ARMCX4: variants seen among roughly 807,000 people sequenced by gnomAD.
ARMCX4 encodes armadillo repeat containing X-linked 4.
In ARMCX4, 3 loss-of-function variants were observed where a neutral mutation model predicts 34.7. That is an observed-to-expected ratio of 0.09 (90% CI 0.04 to 0.22). The LOEUF is 0.22. Among genes scored for constraint, ARMCX4 ranks in the 10% least tolerant of loss-of-function variants. ARMCX4 has a pLI of 1.00. For synonymous variants in ARMCX4, 513 were observed against 632.8 expected, an observed-to-expected ratio of 0.81 and a Z score of 2.84; for missense variants, 1,448 against 1,720.8, an observed-to-expected ratio of 0.84 and a Z score of 2.81.
intron 11 of ARMCX4, among the ~76,000 whole-genome samples, chrX:101,528,083 A>C (rs1935023368): frequency 8.9e-6 from 1 of 111,982 alleles, no homozygotes. Context: ...AAATATCCTC[A>C]ATAAAATACT....
At chrX:101,457,316 T>C (rs996780223) in intron 4 of ARMCX4, among the ~76,000 whole-genome samples, 10 of 112,518 alleles carry the variant, frequency 8.9e-5, no homozygotes, top group Admixed American at 2.8e-4. Context: ...ACTATCTGAC[T>C]GAAGCTCTCT....
chrX:101,515,399 C>T (rs868944706), intron 11 of ARMCX4, among the ~76,000 whole-genome samples: 6 of 1,360 alleles, frequency 4.4e-3, no homozygotes, highest in Admixed American at 0.013. Flanking sequence ...CTTTCCCTCC[C>T]TCCCTCCCTC....
chrX:101,423,384 G>A (rs1929398602), intron 2 of ARMCX4, among the ~76,000 whole-genome samples: 1 of 107,689 alleles, frequency 9.3e-6, no homozygotes, highest in African/African-American at 3.4e-5. Context: ...TTGGGAGGCC[G>A]AGGTGGGCGG....
At position 101,515,343 on chromosome X, in the gene ARMCX4, TTTTC is replaced by T. The variant is rs782364891; in HGVS notation, c.*1780+4324_*1780+4327del. 7.0e-3 allele frequency among the ~76,000 whole-genome samples: 119 copies of T among 17,006 alleles called. 13 individuals are homozygous for T. Among genetic ancestry groups the T allele is most frequent in the African/African-American group, 0.011 (44 of 3,876 alleles). 14.8% of individuals were successfully genotyped at this position (17,006 alleles called of 115,157 possible). A position where few individuals can be genotyped will look rare whatever the true frequency, so the allele number is the denominator to read the frequency against. On this transcript the variant is annotated intron_variant and NMD_transcript_variant, in intron 11 of 12. Coordinates refer to the ARMCX4 transcript ENST00000354842. ...TCCTCCCTTTCTTTCTTTCCTTTCC[TTTTC>T]TTTCTTTCTTTCTTTCTTTCTTTCT... is the stretch of plus-strand genomic sequence containing the variant.
In ARMCX4 at chrX:101,527,560, T is replaced by A. The variant is rs1935007162; in HGVS notation, c.*1781-4084T>A. Among the ~76,000 whole-genome samples the A allele has an allele frequency of 5.4e-5, 6 of 110,747 alleles. No individual in the cohort carries two copies. The Admixed American group carries it at 5.8e-4, about 11-fold the overall frequency. On this transcript the variant is annotated intron_variant and NMD_transcript_variant, in intron 11 of 12. Coordinates refer to the ARMCX4 transcript ENST00000354842. ...TCCAGGGGCTGGTTTTTTGAAAAGA[T>A]CAACAAAATTGATAGACTGCTAGCA...
downstream of ARMCX4, among the ~76,000 whole-genome samples, chrX:101,449,890 C>T (rs146602147): frequency 6.3e-5 from 7 of 111,318 alleles, no homozygotes; most frequent in East Asian, 1.1e-3. Flanking sequence ...GGGACTTGGA[C>T]GTTGTGATCT....
At chrX:101,504,868 G>A (rs1229242261) in intron 7 of ARMCX4, 1 of 111,683 alleles carries the variant, frequency 9.0e-6, no homozygotes, top group African/African-American at 3.3e-5. Context: ...GTAGGGGAAA[G>A]AATATAATCT....
intron 11 of ARMCX4, among the ~76,000 whole-genome samples, chrX:101,521,365 A>G (rs1217952919): frequency 1.8e-5 from 2 of 111,711 alleles, no homozygotes; most frequent in Non-Finnish European, 3.8e-5. Flanking sequence ...TTTTCATAGT[A>G]TTCCTTATAA....
In ARMCX4 at chrX:101,495,473, G is replaced by C; in HGVS notation, c.*11G>C. On this transcript the variant is annotated 3_prime_UTR_variant, in exon 6 of 6. Transcript: ENST00000423738. ...ATAAGTAAACTCTGATTGGCTGTAT[G>C]TTCCCAAACAAATTTGAGTAATATT... is the stretch of plus-strand genomic sequence containing the variant. The C allele has an allele frequency of 9.2e-7, 1 of 1,089,717 alleles. No homozygotes were observed. The highest frequency in any genetic ancestry group is 1.2e-6 in the Non-Finnish European group (1 of 842,187). 89.8% of individuals were successfully genotyped at this position (1,089,717 alleles called of 1,213,427 possible).
At chrX:101,462,875 T>C (rs1932683918) in intron 4 of ARMCX4, among the ~76,000 whole-genome samples, 1 of 111,402 alleles carries the variant, frequency 9.0e-6, no homozygotes, top group African/African-American at 3.3e-5. Flanking sequence ...TCCCTTCAGC[T>C]CAGGCTGGAA....
At chrX:101,464,332 C>T (rs1044414687) in intron 4 of ARMCX4, among the ~76,000 whole-genome samples, 1 of 111,429 alleles carries the variant, frequency 9.0e-6, no homozygotes, top group Admixed American at 9.5e-5. Context: ...GCTGAGATAG[C>T]GCCATTGCAT....
At chrX:101,463,088 GTC>G (rs1932693879) in intron 4 of ARMCX4, among the ~76,000 whole-genome samples, 1 of 111,732 alleles carries the variant, frequency 8.9e-6, no homozygotes, top group Non-Finnish European at 1.9e-5. Context: ...GCTCCATTCT[GTC>G]TCTCTTTCTC....
chrX:101,500,175 G>A (rs1220482455), downstream of ARMCX4, among the ~76,000 whole-genome samples: 1 of 111,408 alleles, frequency 9.0e-6, no homozygotes, highest in African/African-American at 3.3e-5. Context: ...GGGCACATGG[G>A]AGCCAAGTAT....
At chrX:101,524,688 C>T in intron 11 of ARMCX4, among the ~76,000 whole-genome samples, 1 of 111,744 alleles carries the variant, frequency 8.9e-6, no homozygotes, top group Non-Finnish European at 1.9e-5. Flanking sequence ...GGGTCCCATG[C>T]CCATGGAGCC....
rs1934066489 is a variant in ARMCX4, at chrX:101,493,602, C to T, written c.5013C>T (p.Ser1671=). 1.7e-6 allele frequency: 2 copies of T among 1,151,008 alleles called. No homozygotes were observed. Among genetic ancestry groups the T allele is most frequent in the Non-Finnish European group, 2.3e-6 (2 of 871,714 alleles). 94.9% of individuals were successfully genotyped at this position (1,151,008 alleles called of 1,213,427 possible). A position where few individuals can be genotyped will look rare whatever the true frequency, so the allele number is the denominator to read the frequency against. ...AGGATCAGGCTTGTGGAGGAGGCTCCTGGGCTGGTGCTGGGAGCCAAGCCA... is the reference window on the plus strand; with the variant it reads ...AGGATCAGGCTTGTGGAGGAGGCTCTTGGGCTGGTGCTGGGAGCCAAGCCA... ...EFEDQACGGG[S]WAGAGSQASG... The change falls in exon 6 of 6, where the codon TCC becomes TCT. Residue 1671 remains serine, a synonymous_variant. Transcript: ENST00000423738.
chrX:101,499,650 T>C (rs1426898356), downstream of ARMCX4, among the ~76,000 whole-genome samples: 1 of 112,022 alleles, frequency 8.9e-6, no homozygotes, highest in African/African-American at 3.2e-5. Context: ...GTTAGGCGGA[T>C]GTAAATACCA....
At position 101,489,680 on chromosome X, in the gene ARMCX4, CTG is replaced by C; in HGVS notation, c.1094_1095del (p.Val365GlyfsTer6). ...GTGAGAGCTTGTATACAACCTCAGACTGTGGCCAAGAAACAGGCTGAGGTGAC... is the reference window on the plus strand; with the variant it reads ...GTGAGAGCTTGTATACAACCTCAGACTGGCCAAGAAACAGGCTGAGGTGAC... On this transcript the variant is annotated frameshift_variant, in exon 6 of 6. Transcript: ENST00000423738. LOFTEE classifies it low-confidence loss of function (END_TRUNC). 8.7e-7 allele frequency: 1 copy of C among 1,154,512 alleles called. No homozygotes were observed. The highest frequency in any genetic ancestry group is 1.1e-6 in the Non-Finnish European group (1 of 872,306).
chrX:101,433,179 T>C (rs1178501051), intron 2 of ARMCX4, among the ~76,000 whole-genome samples: 8 of 55,020 alleles, frequency 1.5e-4, no homozygotes, highest in East Asian at 9.7e-4. Flanking sequence ...CATGTGTATA[T>C]ACACGCACAC....
chrX:101,482,213 GAA>G (rs1556005550), upstream of ARMCX4, among the ~76,000 whole-genome samples: 1 of 110,926 alleles, frequency 9.0e-6, no homozygotes, highest in African/African-American at 3.3e-5. Flanking sequence ...CAGCCTGAGT[GAA>G]AGAGCAAGAC....
Sources: gnomAD v4.1 joint callset for allele counts (sites outside exome capture counted in the v4.1 genomes callset) on GRCh38, gnomAD v4.1.1 for gene constraint, MANE v1.5 for transcripts, NCBI Gene and HGNC (gene_info 2026-07-23, HGNC 2026-07-21) for gene names.